Variants in KANSL1L observed in about 807,000 individuals in gnomAD.
The protein encoded by KANSL1L is KAT8 regulatory NSL complex subunit 1-like protein.
In KANSL1L, 25 loss-of-function variants were observed where a neutral mutation model predicts 108.6. The observed-to-expected ratio is 0.23, with a 90% CI of 0.17 to 0.32. The LOEUF is 0.32. Ranked by LOEUF, KANSL1L falls within the 10% of genes least tolerant of loss-of-function variation. KANSL1L has a pLI of 1.00. For synonymous variants in KANSL1L, 405 were observed against 395.1 expected, an observed-to-expected ratio of 1.03 and a Z score of -0.30; for missense variants, 1,137 against 1,125.7, an observed-to-expected ratio of 1.01 and a Z score of -0.14.
chr2:210,067,328 C>T (rs191766066), intron 6 of KANSL1L, among the ~76,000 whole-genome samples: 10 of 152,116 alleles, frequency 6.6e-5, no homozygotes, highest in Admixed American at 3.3e-4. Flanking sequence ...TCTCTTTCTC[C>T]GGAGAGCCTT....
At chr2:210,148,338 A>G (rs941223661) in intron 2 of KANSL1L, among the ~76,000 whole-genome samples, 5 of 152,196 alleles carry the variant, frequency 3.3e-5, no homozygotes, top group African/African-American at 1.2e-4. Context: ...GAAAAGAAGA[A>G]AAGAAATGCT....
Position 210,104,115 on chromosome 2 carries a change from T to C in KANSL1L, c.1417A>G (p.Ile473Val), listed in dbSNP as rs761545267. 2 of 1,613,182 alleles carry C rather than the reference T, an allele frequency of 1.2e-6. No homozygotes were observed. Among genetic ancestry groups the C allele is most frequent in the Admixed American group, 3.3e-5 (2 of 59,996 alleles). The part of the protein sequence containing the change: ...PSSPTLLLRN[I>V]EKQSAQLTEI... ...TACTTTGACTTTACCTGTTTTTCGA[T>C]GTTTCGAAGAAGTAAAGTAGGGCTG... The change falls in exon 4 of 15, where the codon ATC becomes GTC. Residue 473 changes from isoleucine to valine, a missense_variant. Ile to Val is a conservative substitution (Grantham distance 29, BLOSUM62 3). Around this residue, in one of 3 missense-constraint regions of KANSL1L, gnomAD observed 6 missense variants for 20.9 expected, o/e 0.29. Coordinates refer to ENST00000281772, the MANE Select transcript of KANSL1L (RefSeq NM_152519.4).
intron 2 of KANSL1L, among the ~76,000 whole-genome samples, chr2:210,135,515 T>C (rs2095165669): frequency 6.6e-6 from 1 of 152,024 alleles, no homozygotes; most frequent in African/African-American, 2.4e-5. Flanking sequence ...TCCTTGAAAA[T>C]AAAACGTGAG....
At chr2:210,171,000 C>T (rs1426491822) in intron 1 of KANSL1L, 149 bp downstream of exon 1, 1 of 152,678 alleles carries the variant, frequency 6.5e-6, no homozygotes, top group East Asian at 1.9e-4. Flanking sequence ...AGTCCAGCAG[C>T]CCAGAGGATT....
At chr2:210,162,291 G>C (rs1008352839) in intron 1 of KANSL1L, among the ~76,000 whole-genome samples, 9 of 142,326 alleles carry the variant, frequency 6.3e-5, no homozygotes, top group African/African-American at 2.4e-4. Flanking sequence ...TCAAGACAGA[G>C]TCAACAATGC....
intron 7 of KANSL1L, 130 bp from the exon 8 acceptor site, chr2:210,040,657 G>A (rs1365905247): frequency 1.2e-5 from 6 of 485,316 alleles, no homozygotes; most frequent in African/African-American, 4.0e-5. Flanking sequence ...GCAAAAGTTT[G>A]AGATGTAACA....
At chr2:210,163,716 C>T (rs1270142276) in intron 1 of KANSL1L, among the ~76,000 whole-genome samples, 2 of 152,098 alleles carry the variant, frequency 1.3e-5, no homozygotes, top group African/African-American at 4.8e-5. Flanking sequence ...AATTATATTA[C>T]ATGAAATTTT....
chr2:210,060,104 A>G (rs1312816034), intron 6 of KANSL1L, among the ~76,000 whole-genome samples: 1 of 152,158 alleles, frequency 6.6e-6, no homozygotes, highest in Non-Finnish European at 1.5e-5. Context: ...ATCTTCTATT[A>G]TTTGTTCAAA....
At chr2:210,041,411 C>G (rs1343901551) in intron 7 of KANSL1L, among the ~76,000 whole-genome samples, 1 of 151,892 alleles carries the variant, frequency 6.6e-6, no homozygotes, top group Non-Finnish European at 1.5e-5. Flanking sequence ...GAGGATAGAC[C>G]CAGAAAGGGC....
intron 2 of KANSL1L, among the ~76,000 whole-genome samples, chr2:210,142,380 T>A (rs2095236714): frequency 1.3e-5 from 2 of 152,228 alleles, no homozygotes; most frequent in Middle Eastern, 3.4e-3. Flanking sequence ...TATATTTGGG[T>A]CTTTTTTCAT....
intron 6 of KANSL1L, among the ~76,000 whole-genome samples, chr2:210,066,938 T>C (rs1322918096): frequency 6.6e-6 from 1 of 152,200 alleles, no homozygotes; most frequent in Non-Finnish European, 1.5e-5. Flanking sequence ...GAGGGTGTTT[T>C]CCAAACAGAT....
Position 210,119,053 on chromosome 2 carries a change from G to A in KANSL1L, c.1230+9978C>T, listed in dbSNP as rs574912972. ...ACAAAAATTAGCTGGGCATGGTGGC[G>A]CGCACCTGTAGTTGCAGCTACTCAG... On this transcript the variant is annotated intron_variant, in intron 3 of 14. Transcript: ENST00000281772. Among the ~76,000 whole-genome samples, 24 of 151,948 alleles carry A rather than the reference G, an allele frequency of 1.6e-4. No homozygotes were observed. In the South Asian group the frequency reaches 2.3e-3, roughly 14 times the overall value.
intron 3 of KANSL1L, among the ~76,000 whole-genome samples, chr2:210,117,159 AC>A (rs2094962565): frequency 6.6e-6 from 1 of 152,192 alleles, no homozygotes; most frequent in Non-Finnish European, 1.5e-5. Flanking sequence ...GAAGAAAATT[AC>A]TGAGCTTGAA....
In KANSL1L at chr2:210,021,480, C is replaced by T. The variant is rs182639970; in HGVS notation, c.*1469G>A. The T allele has an allele frequency of 6.6e-6, 1 of 152,486 alleles. No individual in the cohort carries two copies. Among genetic ancestry groups the T allele is most frequent in the African/African-American group, 2.4e-5 (1 of 41,424 alleles). The allele number at this position is 152,486 out of a possible 1,614,324, so 9.4% of individuals were successfully genotyped here. A position where few individuals can be genotyped will look rare whatever the true frequency, so the allele number is the denominator to read the frequency against. On this transcript the variant is annotated 3_prime_UTR_variant, in exon 15 of 15. Transcript: ENST00000281772. ...TAGAAGATTATAATATCAGACGTGACAAAGATTTGAGTTTATTTGCCTGGA... is the reference window on the plus strand; with the variant it reads ...TAGAAGATTATAATATCAGACGTGATAAAGATTTGAGTTTATTTGCCTGGA...
In KANSL1L at chr2:210,022,589, G is replaced by A. The variant is rs2093875623; in HGVS notation, c.*360C>T. 5.6e-6 allele frequency: 1 copy of A among 178,208 alleles called. No individual in the cohort carries two copies. Among genetic ancestry groups the A allele is most frequent in the South Asian group, 1.4e-4 (1 of 7,384 alleles). The allele number at this position is 178,208 out of a possible 1,614,324, so 11.0% of individuals were successfully genotyped here. A position where few individuals can be genotyped will look rare whatever the true frequency, so the allele number is the denominator to read the frequency against. On this transcript the variant is annotated 3_prime_UTR_variant, in exon 15 of 15. Coordinates refer to ENST00000281772, the MANE Select transcript of KANSL1L (RefSeq NM_152519.4). ...GTATATAAAAAAATAGCTGTCACTTGGCACACAGGTTTGTATGTATGTGTA... is the reference window on the plus strand; with the variant it reads ...GTATATAAAAAAATAGCTGTCACTTAGCACACAGGTTTGTATGTATGTGTA...
At chr2:210,163,388 A>T (rs1575649585) in intron 1 of KANSL1L, among the ~76,000 whole-genome samples, 1 of 152,346 alleles carries the variant, frequency 6.6e-6, no homozygotes, top group East Asian at 1.9e-4. Flanking sequence ...TGGGCTTAGT[A>T]GCAGACTGGA....
chr2:210,113,962 C>A (rs990349305), intron 3 of KANSL1L, among the ~76,000 whole-genome samples: 11 of 152,206 alleles, frequency 7.2e-5, no homozygotes, highest in Non-Finnish European at 1.6e-4. Flanking sequence ...AGTGGCCCAA[C>A]ATATAAATGT....
At chr2:210,043,882 G>A (rs746120863) in intron 7 of KANSL1L, 57 bp downstream of exon 7, 80 of 1,167,476 alleles carry the variant, frequency 6.9e-5, no homozygotes, top group Non-Finnish European at 9.1e-5. Flanking sequence ...GTATTTAGAG[G>A]ATTAGATTTC....
In KANSL1L at chr2:210,104,299, C is replaced by A; in HGVS notation, c.1233G>T (p.Gly411=). The A allele has an allele frequency of 6.2e-7, 1 of 1,609,110 alleles. No homozygotes were observed. Residue 411 remains glycine (G), a splice_region_variant and synonymous_variant, in exon 4 of 15, where the codon GGG becomes GGT. Transcript: ENST00000281772. ...DIHRQIRASK[G]IVVLEECQLP... is the part of the protein sequence containing the mutation. ...GCTGACATTCTTCTAGGACCACTAT[C>A]CCCTAGACAAAAAACAATGAGAAAG... is the stretch of plus-strand genomic sequence containing the variant.
Sources: gnomAD v4.1 joint callset for allele counts (sites outside exome capture counted in the v4.1 genomes callset) on GRCh38, gnomAD v4.1.1 for gene constraint, gnomAD v4.1.1 regional missense constraint, MANE v1.5 for transcripts, NCBI Gene and HGNC (gene_info 2026-07-23, HGNC 2026-07-21) for gene names.